NRP2: variants seen among roughly 807,000 people sequenced by gnomAD.
NRP2 encodes neuropilin-2.
In NRP2, 52 loss-of-function variants were observed where a neutral mutation model predicts 110.4. That is an observed-to-expected ratio of 0.47 (90% CI 0.38 to 0.59). The LOEUF (loss-of-function observed/expected upper bound fraction) is 0.59, where lower values mean the gene tolerates loss of function less well. Ranked by LOEUF, NRP2 falls within the 20% of genes least tolerant of loss-of-function variation. NRP2 has a pLI of 0.00. For synonymous variants in NRP2, 508 were observed against 468.9 expected, an observed-to-expected ratio of 1.08 and a Z score of -1.08; for missense variants, 1,049 against 1,203.0, an observed-to-expected ratio of 0.87 and a Z score of 1.89.
Position 205,796,961 on chromosome 2 carries a change from G to C in NRP2, c.*1903G>C, listed in dbSNP as rs2058356911. The C allele has an allele frequency of 6.5e-6, 1 of 152,698 alleles. No individual in the cohort carries two copies. Among genetic ancestry groups the C allele is most frequent in the Non-Finnish European group, 1.5e-5 (1 of 68,070 alleles). The allele number at this position is 152,698 out of a possible 1,614,324, so 9.5% of individuals were successfully genotyped here. A position where few individuals can be genotyped will look rare whatever the true frequency, so the allele number is the denominator to read the frequency against. ...TAAATGTTAACTTATGGAAATGCTA[G>C]TTCAAATGGTAATGTCACAGTGTTT... On this transcript the variant is annotated 3_prime_UTR_variant, in exon 17 of 17. Transcript: ENST00000357785.
At chr2:205,700,996 G>A (rs1421263284) in intron 2 of NRP2, 4 of 244,642 alleles carry the variant, frequency 1.6e-5, no homozygotes, top group Non-Finnish European at 3.3e-5. Flanking sequence ...TGGAGTGGAG[G>A]ATGCTAGGAT....
chr2:205,723,761 C>T (rs1398031966), intron 4 of NRP2, 24 bp from the exon 5 acceptor site: 2 of 1,613,752 alleles, frequency 1.2e-6, no homozygotes, highest in Non-Finnish European at 1.7e-6. Context: ...TTTCCACTGA[C>T]TTCTCTTTGT....
rs2058347273 is a variant in NRP2, at chr2:205,795,808, C to T, written c.*750C>T. On this transcript the variant is annotated 3_prime_UTR_variant, in exon 17 of 17. Transcript: ENST00000357785. ...TCACACGTCAAAATCCATAGAAGCG[C>T]CTGGACGAGGCTTAAAGTGCTTTGT... 1 of 152,620 alleles carries T rather than the reference C, an allele frequency of 6.6e-6. No individual in the cohort carries two copies. Among genetic ancestry groups the T allele is most frequent in the Non-Finnish European group, 1.5e-5 (1 of 68,052 alleles). 9.5% of individuals were successfully genotyped at this position (152,620 alleles called of 1,614,324 possible). A position where few individuals can be genotyped will look rare whatever the true frequency, so the allele number is the denominator to read the frequency against.
chr2:205,759,452 C>T (rs2105910536), intron 12 of NRP2: 1 of 152,352 alleles, frequency 6.6e-6, no homozygotes, highest in Non-Finnish European at 1.5e-5. Flanking sequence ...AAAGGGTGGA[C>T]AGCTGTTCTT....
chr2:205,743,267 C>G lies in NRP2; in HGVS notation c.1356C>G (p.Ala452=), dbSNP rs1165508146. ...SGLIADSQIS[A]SSTQEYLWSP... ...TCATTGCAGACTCCCAGATCTCCGC[C>G]TCTTCCACCCAGGAATACCTCTGGA... Residue 452 remains alanine, a synonymous_variant, in exon 9 of 17, where the codon GCC becomes GCG. Transcript: ENST00000357785. 5 of 1,614,186 alleles carry G rather than the reference C, an allele frequency of 3.1e-6. No homozygotes were observed. Among genetic ancestry groups the G allele is most frequent in the Non-Finnish European group, 4.2e-6 (5 of 1,180,040 alleles).
intron 2 of NRP2, among the ~76,000 whole-genome samples, chr2:205,703,540 G>C (rs1048675751): frequency 1.3e-5 from 2 of 152,190 alleles, no homozygotes; most frequent in African/African-American, 4.8e-5. Flanking sequence ...TTCAATCTCT[G>C]CTTTACTCTT....
chr2:205,794,912 G>A lies in NRP2; in HGVS notation c.2635G>A (p.Ala879Thr), dbSNP rs2105979953. 6.2e-7 allele frequency: 1 copy of A among 1,614,156 alleles called. No homozygotes were observed. The change falls in exon 17 of 17, where the codon GCA becomes ACA. Residue 879 changes from alanine (A) to threonine (T), a missense_variant. Coordinates refer to ENST00000357785, the MANE Select transcript of NRP2 (RefSeq NM_003872.3). ...GGGCGTCCTCCTGGGGGCCACCTGT[G>A]CAGGCCTCCTGCTCTACTGCACCTG... ...SLGVLLGATC[A>T]GLLLYCTCSY...
chr2:205,685,040 CAGG>C (rs1400553528), intron 1 of NRP2, among the ~76,000 whole-genome samples: 2 of 152,194 alleles, frequency 1.3e-5, no homozygotes, highest in Non-Finnish European at 2.9e-5. Flanking sequence ...CGTGAAGACT[CAGG>C]GGCCATCTCC....
intron 15 of NRP2, among the ~76,000 whole-genome samples, chr2:205,780,266 G>C (rs569924924): frequency 2.6e-5 from 4 of 152,302 alleles, no homozygotes; most frequent in African/African-American, 9.6e-5. Flanking sequence ...CTTCATTTTT[G>C]AACAGGTAAT....
At chr2:205,773,206 C>A (rs1272185392) in intron 15 of NRP2, among the ~76,000 whole-genome samples, 1 of 152,228 alleles carries the variant, frequency 6.6e-6, no homozygotes, top group Non-Finnish European at 1.5e-5. Context: ...CACACTCCAC[C>A]TGCCTTTGGA....
In NRP2 at chr2:205,763,956, A is replaced by G; in HGVS notation, c.2307+20A>G. 1 of 1,613,634 alleles carries G rather than the reference A, an allele frequency of 6.2e-7. No homozygotes were observed. The highest frequency in any genetic ancestry group is 8.5e-7 in the Non-Finnish European group (1 of 1,179,788). On this transcript the variant is annotated intron_variant, in intron 13 of 16. Coordinates refer to ENST00000357785, the MANE Select transcript of NRP2 (RefSeq NM_003872.3). This position sits in a 1 kb window ranked among gnomAD's most constrained non-coding sequence, Gnocchi z 4.0. ...TACCAGGTGGGGTGAGCAAAAAGGG[A>G]ATCTTGTGATCCGTATTTCAATATT...
chr2:205,709,639 C>A (rs1450751068), intron 2 of NRP2, among the ~76,000 whole-genome samples: 1 of 152,216 alleles, frequency 6.6e-6, no homozygotes, highest in East Asian at 1.9e-4. Flanking sequence ...AGGTATGTTT[C>A]CGTTAACAGT....
Position 205,734,356 on chromosome 2 carries a change from CA to C in NRP2, c.1147-6160del, listed in dbSNP as rs550942950. On this transcript the variant is annotated intron_variant, in intron 7 of 16. Coordinates refer to ENST00000357785, the MANE Select transcript of NRP2 (RefSeq NM_003872.3). ...GGAGAAAGATCAGGACCATGATTCA[CA>C]AACAACAAAAAAAGCCCATTGCCTT... Among the ~76,000 whole-genome samples the C allele has an allele frequency of 1.4e-3, 210 of 151,870 alleles. 1 individual carries two copies. Among genetic ancestry groups the C allele is most frequent in the Non-Finnish European group, 2.5e-3 (172 of 67,960 alleles).
chr2:205,705,067 T>C (rs779521229), intron 2 of NRP2, among the ~76,000 whole-genome samples: 1 of 152,194 alleles, frequency 6.6e-6, no homozygotes, highest in Non-Finnish European at 1.5e-5. Flanking sequence ...GAAAAAAATT[T>C]ATATTCTTTT....
intron 6 of NRP2, 145 bp from the exon 7 acceptor site, chr2:205,727,745 CA>C (rs1346495514): frequency 1.3e-6 from 1 of 755,002 alleles, no homozygotes; most frequent in Non-Finnish European, 2.1e-6. Context: ...AATGGAATTG[CA>C]AACTGATACT....
chr2:205,758,716 T>C (rs1678400832), intron 12 of NRP2, among the ~76,000 whole-genome samples: 1 of 152,208 alleles, frequency 6.6e-6, no homozygotes, highest in Admixed American at 6.5e-5. Context: ...CTCTGGGACA[T>C]TATTTCTTCA....
At position 205,735,417 on chromosome 2, in the gene NRP2, T is replaced by C. The variant is rs531154939; in HGVS notation, c.1147-5102T>C. Among the ~76,000 whole-genome samples the C allele has an allele frequency of 7.3e-5, 11 of 150,444 alleles. No homozygotes were observed. The South Asian group carries it at 2.1e-3, about 29-fold the overall frequency. ...TGTTCTGAGATGGCCTCAGAAACCA[T>C]CAGTAATGCGTTCTGGCTGGATGCT... On this transcript the variant is annotated intron_variant, in intron 7 of 16. Transcript: ENST00000357785.
At chr2:205,794,660 T>G in intron 16 of NRP2, 94 bp from the exon 17 acceptor site, 2 of 1,265,568 alleles carry the variant, frequency 1.6e-6, no homozygotes, top group Non-Finnish European at 2.3e-6. Flanking sequence ...TGCTAACTAC[T>G]GTGCTCTGAA....
At chr2:205,689,606 C>T (rs1461061342) in intron 1 of NRP2, among the ~76,000 whole-genome samples, 2 of 152,206 alleles carry the variant, frequency 1.3e-5, no homozygotes, top group Non-Finnish European at 2.9e-5. Context: ...TTATCTCTCG[C>T]CATGCTCTTC....
Sources: allele counts gnomAD v4.1 joint callset (sites outside exome capture counted in the v4.1 genomes callset), GRCh38; gene constraint gnomAD v4.1.1; non-coding constraint Gnocchi (gnomAD v3.1); transcripts MANE v1.5; gene names NCBI Gene and HGNC (gene_info 2026-07-23, HGNC 2026-07-21).